TG: variants seen among roughly 807,000 people sequenced by gnomAD.
TG encodes the protein thyroglobulin.
A neutral mutation model predicts 324.7 loss-of-function variants in TG; 270 were observed. The observed-to-expected ratio is 0.83, with a 90% CI of 0.75 to 0.92. TG has a LOEUF of 0.92. Among genes scored for constraint, TG ranks in the 40% least tolerant of loss-of-function variants. The probability of loss-of-function intolerance (pLI) is 0.00; values close to 1 mark genes in which losing one functional copy is unlikely to be tolerated. For synonymous variants in TG, 1,401 were observed against 1,327.0 expected, an observed-to-expected ratio of 1.06 and a Z score of -1.21; for missense variants, 3,591 against 3,456.4, an observed-to-expected ratio of 1.04 and a Z score of -0.98.
At chr8:133,085,514 G>A (rs911192334) in intron 41 of TG, among the ~76,000 whole-genome samples, 2 of 152,076 alleles carry the variant, frequency 1.3e-5, no homozygotes, top group Non-Finnish European at 2.9e-5. Context: ...GTAACAAAAA[G>A]ACAGATAACT....
intron 35 of TG, among the ~76,000 whole-genome samples, chr8:132,987,820 G>GA (rs1831766594): frequency 6.6e-6 from 1 of 151,988 alleles, no homozygotes; most frequent in South Asian, 2.1e-4. Flanking sequence ...TCTCTGGAAA[G>GA]ACTTTCTAAA....
chr8:132,932,595 C>T (rs190929702), intron 23 of TG, among the ~76,000 whole-genome samples: 1 of 152,320 alleles, frequency 6.6e-6, no homozygotes, highest in Admixed American at 6.5e-5. Context: ...CCTTAATTTA[C>T]ATTTTCTACC....
rs149678808 is a variant in TG at position 133,095,064 on chromosome 8, G to C, written c.7260G>C (p.Pro2420=). 2 of 1,613,684 alleles carry C rather than the reference G, an allele frequency of 1.2e-6. No individual in the cohort carries two copies. The highest frequency in any genetic ancestry group is 1.7e-6 in the Non-Finnish European group (2 of 1,180,012). The part of the protein sequence containing the change: ...AVLMGGSALS[P]AAVISHERAQ... Reference sequence around the variant, plus strand: ...TCCAGGGAGGCTCCGCACTCTCCCCGGCCGCCGTCATCAGCCATGAGAGGG... The same window carrying C: ...TCCAGGGAGGCTCCGCACTCTCCCCCGCCGCCGTCATCAGCCATGAGAGGG... The change falls in exon 42 of 48, where the codon CCG becomes CCC. Residue 2420 remains proline (P), a synonymous_variant. Coordinates refer to ENST00000220616, the MANE Select transcript of TG (RefSeq NM_003235.5).
intron 25 of TG, among the ~76,000 whole-genome samples, chr8:132,940,190 G>T (rs2739068): frequency 0.54 from 82,621 of 151,890 alleles, 23,256 homozygotes; most frequent in Non-Finnish European, 0.61. Flanking sequence ...AAATAAGATG[G>T]GGTGATCTGC....
At position 132,948,832 on chromosome 8, in the gene TG, G is replaced by A. The variant is rs754029660; in HGVS notation, c.5290G>A (p.Asp1764Asn). The A allele has an allele frequency of 1.5e-5, 25 of 1,613,730 alleles. No homozygotes were observed. Among genetic ancestry groups the A allele is most frequent in the African/African-American group, 2.7e-5 (2 of 74,678 alleles). The change falls in exon 27 of 48, where the codon GAC (aspartate) becomes AAC (asparagine). Residue 1764 changes from aspartate to asparagine, a missense_variant. By Grantham distance (23) the Asp-to-Asn change is conservative (BLOSUM62 1). Coordinates refer to ENST00000220616, the MANE Select transcript of TG (RefSeq NM_003235.5). ...SPSVLLCNVK[D>N]WMDPSEAWAN... ...CAGTGTCCTGCTTTGTAATGTCAAA[G>A]ACTGGATGGATCCCTCTGAAGCCTG...
intron 41 of TG, among the ~76,000 whole-genome samples, chr8:133,091,632 G>A (rs1441977294): frequency 1.3e-5 from 2 of 152,024 alleles, no homozygotes; most frequent in Non-Finnish European, 2.9e-5. Flanking sequence ...GTGTGTCTAT[G>A]TGTGTGTATC....
chr8:133,113,708 C>A, intron 44 of TG, 105 bp downstream of exon 44: 1 of 1,307,786 alleles, frequency 7.6e-7, no homozygotes. Context: ...TGGCTTTGTG[C>A]TTGAGGTTTC....
At chr8:133,073,031 C>T (rs1844308948) in intron 41 of TG, 1 of 152,174 alleles carries the variant, frequency 6.6e-6, no homozygotes, top group African/African-American at 2.4e-5. Flanking sequence ...CCAATAGCTC[C>T]TATTTAGTAC....
chr8:132,999,507 G>T (rs1295152456), intron 35 of TG, among the ~76,000 whole-genome samples: 1 of 152,098 alleles, frequency 6.6e-6, no homozygotes, highest in Non-Finnish European at 1.5e-5. Flanking sequence ...TAGGATTTTT[G>T]GTTCCCAGGT....
rs1243052906 is a variant in TG at position 132,969,556 on chromosome 8, T to A, written c.5962T>A (p.Ser1988Thr). 1 of 1,609,094 alleles carries A rather than the reference T, an allele frequency of 6.2e-7. No individual in the cohort carries two copies. Among genetic ancestry groups the A allele is most frequent in the Non-Finnish European group, 8.5e-7 (1 of 1,175,568 alleles). ...AAATAAAGTGCCCATGTCTGAAAAA[T>A]CTATTTCTAATGGGTAAGCTACTTG... ...IRNKVPMSEK[S>T]ISNGFFECER... The change falls in exon 32 of 48, where the codon TCT (serine) becomes ACT (threonine). Residue 1988 changes from serine (S) to threonine (T), a missense_variant. Coordinates refer to ENST00000220616, the MANE Select transcript of TG (RefSeq NM_003235.5).
intron 46 of TG, 30 bp from the exon 47 acceptor site, chr8:133,133,440 A>G: frequency 6.2e-7 from 1 of 1,607,364 alleles, no homozygotes; most frequent in South Asian, 1.1e-5. Context: ...AATTTCCCTC[A>G]TGGATATTTC....
At chr8:132,999,641 G>C (rs1833252306) in intron 35 of TG, among the ~76,000 whole-genome samples, 1 of 152,192 alleles carries the variant, frequency 6.6e-6, no homozygotes, top group African/African-American at 2.4e-5. Context: ...TGTAGCCTAG[G>C]AGTGAAGAAT....
At chr8:132,943,542 C>G (rs1197659621) in intron 26 of TG, among the ~76,000 whole-genome samples, 1 of 152,196 alleles carries the variant, frequency 6.6e-6, no homozygotes, top group African/African-American at 2.4e-5. Context: ...TGCTCTCCAC[C>G]TGTCACCAGC....
intron 1 of TG, 131 bp from the exon 2 acceptor site, chr8:132,867,984 C>A: frequency 1.2e-6 from 1 of 804,584 alleles, no homozygotes; most frequent in Non-Finnish European, 2.1e-6. Flanking sequence ...TGCTTAGCTG[C>A]CAAATTTTAA....
At chr8:132,892,351 TAGCTGG>T (rs879610188) in intron 10 of TG, among the ~76,000 whole-genome samples, 120 of 152,354 alleles carry the variant, frequency 7.9e-4, no homozygotes, top group South Asian at 2.3e-3. Flanking sequence ...AGCTGCTTGC[TAGCTGG>T]GAACTCGTTT....
chr8:132,966,782 G>A, intron 30 of TG, 85 bp downstream of exon 30: 1 of 1,561,446 alleles, frequency 6.4e-7, no homozygotes, highest in Non-Finnish European at 8.8e-7. Context: ...CTGAGACACA[G>A]ATAAGGCCAA....
chr8:133,082,846 T>C (rs1845965244), intron 41 of TG, among the ~76,000 whole-genome samples: 1 of 152,258 alleles, frequency 6.6e-6, no homozygotes, highest in South Asian at 2.1e-4. Flanking sequence ...GATAAGATTC[T>C]GTTATTGTTA....
chr8:133,030,374 C>G (rs1836517107), intron 41 of TG, among the ~76,000 whole-genome samples: 1 of 152,090 alleles, frequency 6.6e-6, no homozygotes. Context: ...TTCTGGATGG[C>G]CTGAAGTGCC....
At chr8:132,948,296 C>T (rs947239132) in intron 26 of TG, among the ~76,000 whole-genome samples, 6 of 150,234 alleles carry the variant, frequency 4.0e-5, no homozygotes, top group Middle Eastern at 3.4e-3. Context: ...CGAGAGTGAG[C>T]GAGAGCGAGA....
Sources: allele counts gnomAD v4.1 joint callset (sites outside exome capture counted in the v4.1 genomes callset), GRCh38; gene constraint gnomAD v4.1.1; transcripts MANE v1.5; gene names NCBI Gene and HGNC (gene_info 2026-07-23, HGNC 2026-07-21).